The following KCNIP4 variants were observed in gnomAD, a reference collection of about 807,000 sequenced individuals.
KCNIP4 encodes Kv channel-interacting protein 4.
In KCNIP4, 12 loss-of-function variants were observed where a neutral mutation model predicts 34.0. The ratio of observed to expected loss-of-function variants is 0.35; its 90% CI spans 0.23 to 0.57. The LOEUF (loss-of-function observed/expected upper bound fraction) is 0.57, where lower values mean the gene tolerates loss of function less well. Among genes scored for constraint, KCNIP4 ranks in the 20% least tolerant of loss-of-function variants. The probability of loss-of-function intolerance (pLI) is 0.83; values close to 1 mark genes in which losing one functional copy is unlikely to be tolerated. For missense variants in KCNIP4, 238 were observed against 311.7 expected (o/e 0.76, Z 1.78); for synonymous variants, 124 against 102.2 (o/e 1.21, Z -1.29).
At chr4:21,308,612 G>A (rs1253667570) in intron 1 of KCNIP4, among the ~76,000 whole-genome samples, 1 of 152,060 alleles carries the variant, frequency 6.6e-6, no homozygotes, top group Non-Finnish European at 1.5e-5. Context: ...AACATCACCA[G>A]CATAAGTAAC....
At position 21,913,364 on chromosome 4, in the gene KCNIP4, C is replaced by CT. The variant is rs56409249; in HGVS notation, c.61+35206dup. On this transcript the variant is annotated intron_variant, in intron 1 of 8. Transcript: ENST00000382152. ...GTATTTTGTTTTTTTTTTCTTTTTC[C>CT]TTTTTTTTTTTAAAGGTATTTGGCT... 5.5e-3 allele frequency among the ~76,000 whole-genome samples: 803 copies of CT among 145,052 alleles called. 5 individuals are homozygous for CT. The highest frequency in any genetic ancestry group is 0.018 in the African/African-American group (713 of 39,246).
intron 1 of KCNIP4, chr4:21,847,745 C>A (rs1465393220): frequency 6.6e-6 from 1 of 152,266 alleles, no homozygotes; most frequent in East Asian, 1.9e-4. Flanking sequence ...TCATCCCTTA[C>A]ACAAAATATT....
chr4:21,474,482 A>G (rs1730747446), intron 1 of KCNIP4, among the ~76,000 whole-genome samples: 1 of 152,208 alleles, frequency 6.6e-6, no homozygotes, highest in African/African-American at 2.4e-5. Context: ...CATTCTTTGT[A>G]ACACTGAAGA....
chr4:21,604,974 G>C (rs1361978522), intron 1 of KCNIP4, among the ~76,000 whole-genome samples: 1 of 152,178 alleles, frequency 6.6e-6, no homozygotes, highest in Non-Finnish European at 1.5e-5. Flanking sequence ...TTAGTCTAGT[G>C]AAAGTGTTGT....
intron 1 of KCNIP4, among the ~76,000 whole-genome samples, chr4:20,907,356 G>A (rs146631709): frequency 6.6e-6 from 1 of 152,074 alleles, no homozygotes; most frequent in African/African-American, 2.4e-5. Flanking sequence ...CTCTGCTACT[G>A]TTAATTGCTA....
At chr4:21,695,445 C>A (rs1282803540) in intron 1 of KCNIP4, among the ~76,000 whole-genome samples, 1 of 149,236 alleles carries the variant, frequency 6.7e-6, no homozygotes. Context: ...TTTTTTTCCT[C>A]CTGTGGTTCA....
intron 1 of KCNIP4, among the ~76,000 whole-genome samples, chr4:21,505,177 G>A (rs559255293): frequency 1.3e-5 from 2 of 151,926 alleles, no homozygotes; most frequent in South Asian, 4.2e-4. Flanking sequence ...TTAAAGTTTA[G>A]AGAGACATGT....
intron 1 of KCNIP4, among the ~76,000 whole-genome samples, chr4:20,929,095 C>T (rs1292446628): frequency 4.0e-5 from 6 of 151,872 alleles, no homozygotes; most frequent in Admixed American, 3.9e-4. Flanking sequence ...AAACTATAGG[C>T]CAATATCTCT....
chr4:20,838,127 A>G (rs891152668), intron 3 of KCNIP4, among the ~76,000 whole-genome samples: 1 of 152,160 alleles, frequency 6.6e-6, no homozygotes. Flanking sequence ...TCTATGTGCA[A>G]CAAGTTCTAT....
At chr4:21,281,540 A>T (rs1212245613) in intron 1 of KCNIP4, among the ~76,000 whole-genome samples, 1 of 152,238 alleles carries the variant, frequency 6.6e-6, no homozygotes, top group African/African-American at 2.4e-5. Context: ...CTTGAACTCC[A>T]GTAAACTCTG....
intron 1 of KCNIP4, among the ~76,000 whole-genome samples, chr4:21,331,604 G>C (rs1446543406): frequency 6.6e-6 from 1 of 151,998 alleles, no homozygotes; most frequent in East Asian, 1.9e-4. Context: ...TATTTATTAA[G>C]TGTTTGATAT....
chr4:21,482,565 T>G (rs929699969), intron 1 of KCNIP4, among the ~76,000 whole-genome samples: 4 of 152,164 alleles, frequency 2.6e-5, no homozygotes, highest in African/African-American at 9.7e-5. Flanking sequence ...TCTCCTTCAC[T>G]TATGAAGTTT....
At chr4:20,819,995 A>G (rs982134797) in intron 3 of KCNIP4, among the ~76,000 whole-genome samples, 1 of 152,206 alleles carries the variant, frequency 6.6e-6, no homozygotes, top group Non-Finnish European at 1.5e-5. Flanking sequence ...GGTACCAAGC[A>G]GTGGGGTGTT....
rs138048984 is a variant in KCNIP4 at position 21,676,652 on chromosome 4, T to A, written c.61+271919A>T. Among the ~76,000 whole-genome samples, 5 of 152,330 alleles carry A rather than the reference T, an allele frequency of 3.3e-5. No homozygotes were observed. The East Asian group carries it at 7.7e-4, about 23-fold the overall frequency. On this transcript the variant is annotated intron_variant, in intron 1 of 8. Transcript: ENST00000382152. ...CCAGGTCTATTTTATGCTATGTAAC[T>A]TTTTTGTAGACAACATTAATGAGAT...
At chr4:21,660,305 T>C (rs1276628418) in intron 1 of KCNIP4, among the ~76,000 whole-genome samples, 1 of 152,168 alleles carries the variant, frequency 6.6e-6, no homozygotes, top group African/African-American at 2.4e-5. Context: ...TCCCAATGGC[T>C]TGCAGATAAG....
chr4:21,244,070 G>A (rs113093845), intron 1 of KCNIP4, among the ~76,000 whole-genome samples: 4 of 152,004 alleles, frequency 2.6e-5, no homozygotes, highest in Admixed American at 6.6e-5. Context: ...TGGCCCATTC[G>A]GTTAACCCAA....
chr4:21,606,150 C>A (rs988712175), intron 1 of KCNIP4, among the ~76,000 whole-genome samples: 2 of 152,044 alleles, frequency 1.3e-5, no homozygotes, highest in African/African-American at 4.8e-5. Context: ...TGGTGGCCAT[C>A]CAGATATGGG....
At chr4:21,545,022 G>A (rs1019363395) in intron 1 of KCNIP4, among the ~76,000 whole-genome samples, 3 of 152,078 alleles carry the variant, frequency 2.0e-5, no homozygotes, top group African/African-American at 7.2e-5. Context: ...GGCATTCTAA[G>A]TCACAGGATG....
chr4:21,122,710 T>C (rs1049686149), intron 1 of KCNIP4, among the ~76,000 whole-genome samples: 2 of 152,086 alleles, frequency 1.3e-5, no homozygotes, highest in Non-Finnish European at 2.9e-5. Context: ...GGAAGTGAGG[T>C]GAGAAGGGCA....
Sources: allele counts gnomAD v4.1 joint callset (sites outside exome capture counted in the v4.1 genomes callset), GRCh38; gene constraint gnomAD v4.1.1; transcripts MANE v1.5; gene names NCBI Gene and HGNC (gene_info 2026-07-23, HGNC 2026-07-21).